Variants in MCPH1 observed in about 807,000 individuals in gnomAD.
MCPH1 encodes the protein microcephalin 1, also known as microcephalin.
In MCPH1, 104 loss-of-function variants were observed where a neutral mutation model predicts 84.5. That is an observed-to-expected ratio of 1.23 (90% CI 1.05 to 1.45). The LOEUF (loss-of-function observed/expected upper bound fraction) is 1.45. Ranked by LOEUF, MCPH1 falls within the 40% of genes most tolerant of loss-of-function variation. The pLI, the probability that MCPH1 is intolerant of heterozygous loss-of-function variation, is 0.00. For synonymous variants in MCPH1, 514 were observed against 366.8 expected, an observed-to-expected ratio of 1.40 and a Z score of -4.58; for missense variants, 1,498 against 1,005.7, an observed-to-expected ratio of 1.49 and a Z score of -6.62.
intron 9 of MCPH1, among the ~76,000 whole-genome samples, chr8:6,475,121 C>G (rs1007924502): frequency 6.6e-6 from 1 of 152,228 alleles, no homozygotes; most frequent in South Asian, 2.1e-4. Context: ...AGAGCTATCA[C>G]ATTCTCACTT....
chr8:6,521,300 A>C, intron 12 of MCPH1: 2 of 1,613,816 alleles, frequency 1.2e-6, no homozygotes, highest in Non-Finnish European at 1.7e-6. Context: ...TTCTTCAATG[A>C]TGGAATTTTG....
chr8:6,447,603 T>C lies in MCPH1; in HGVS notation c.1825+2056T>C, dbSNP rs528126408. 1.4e-3 allele frequency among the ~76,000 whole-genome samples: 212 copies of C among 152,296 alleles called. 1 individual carries two copies. Among genetic ancestry groups the C allele is most frequent in the African/African-American group, 5.0e-3 (208 of 41,552 alleles). ...CTCGCACTTGACGCCCAGGTTGGAG[T>C]GCAGTGGCACAATCTCAGCTCACTG... On this transcript the variant is annotated intron_variant, in intron 8 of 13. Transcript: ENST00000344683.
At chr8:6,616,419 G>A (rs553830545) in intron 12 of MCPH1, 161 of 152,338 alleles carry the variant, frequency 1.1e-3, no homozygotes, top group African/African-American at 3.7e-3. Context: ...GTTCTGCTTA[G>A]CTTTGTCAAC....
chr8:6,543,949 T>C (rs940057657), intron 12 of MCPH1, among the ~76,000 whole-genome samples: 2 of 152,256 alleles, frequency 1.3e-5, no homozygotes, highest in Non-Finnish European at 2.9e-5. Flanking sequence ...GGCTATGTTT[T>C]GCACCTTAAT....
At chr8:6,576,630 T>G (rs1827126574) in intron 12 of MCPH1, among the ~76,000 whole-genome samples, 1 of 145,782 alleles carries the variant, frequency 6.9e-6, no homozygotes, top group Non-Finnish European at 1.5e-5. Flanking sequence ...GCCTCAGCCT[T>G]CTGAGTAGCT....
rs898071492 is a variant in MCPH1, at chr8:6,438,933, G to A, written c.437-20G>A. 4 of 1,609,322 alleles carry A rather than the reference G, an allele frequency of 2.5e-6. No homozygotes were observed. The African/African-American group carries it at 4.0e-5, about 16-fold the overall frequency. The stretch of plus-strand genomic sequence containing the variant: ...GAAGGCACTTTTTGGTCTTAAAGTG[G>A]ATTTTTTGTTTATTTTCAGATGATG... On this transcript the variant is annotated intron_variant, in intron 5 of 13. Transcript: ENST00000344683.
At chr8:6,526,121 C>G (rs1818277143) in intron 12 of MCPH1, among the ~76,000 whole-genome samples, 1 of 151,936 alleles carries the variant, frequency 6.6e-6, no homozygotes, top group Non-Finnish European at 1.5e-5. Flanking sequence ...CTAAGTAAGA[C>G]TATTTTAAGA....
At chr8:6,512,903 A>G (rs1382983066) in intron 12 of MCPH1, among the ~76,000 whole-genome samples, 1 of 152,216 alleles carries the variant, frequency 6.6e-6, no homozygotes, top group East Asian at 1.9e-4. Context: ...TAACTCTGCC[A>G]TCTCTAAACT....
chr8:6,514,714 C>G (rs574290458), intron 12 of MCPH1: 5 of 1,614,132 alleles, frequency 3.1e-6, no homozygotes, highest in South Asian at 2.2e-5. Context: ...AAAATCAACG[C>G]TGCCATCCTC....
At chr8:6,599,631 C>G (rs1312975143) in intron 12 of MCPH1, among the ~76,000 whole-genome samples, 1 of 152,190 alleles carries the variant, frequency 6.6e-6, no homozygotes, top group Non-Finnish European at 1.5e-5. Context: ...TTAGTACACA[C>G]AAGTACAACA....
chr8:6,520,855 T>G (rs1817195165), intron 12 of MCPH1, among the ~76,000 whole-genome samples: 1 of 152,248 alleles, frequency 6.6e-6, no homozygotes, highest in African/African-American at 2.4e-5. Flanking sequence ...GATATTATTT[T>G]TCCCATGTAA....
At chr8:6,480,622 A>G (rs774028364) in intron 10 of MCPH1, 92 bp from the exon 11 acceptor site, 36 of 1,455,154 alleles carry the variant, frequency 2.5e-5, no homozygotes, top group Non-Finnish European at 3.5e-5. Context: ...TTGGCTTTCT[A>G]GTTTTATTAG....
intron 13 of MCPH1, chr8:6,622,146 T>G (rs1007521391): frequency 1.5e-5 from 4 of 260,108 alleles, no homozygotes; most frequent in Non-Finnish European, 2.3e-5. Context: ...CGTCTGCTCA[T>G]GTGCTCAAAG....
intron 12 of MCPH1, chr8:6,503,214 A>G (rs1032193396): frequency 6.2e-7 from 1 of 1,614,162 alleles, no homozygotes; most frequent in African/African-American, 1.3e-5. Context: ...CTCTGTGGAT[A>G]GTACATTCCG....
At chr8:6,629,080 A>G (rs1356539434) in intron 13 of MCPH1, among the ~76,000 whole-genome samples, 1 of 152,380 alleles carries the variant, frequency 6.6e-6, no homozygotes, top group Non-Finnish European at 1.5e-5. Context: ...ACATGATTGT[A>G]TCTGGAGCTA....
intron 12 of MCPH1, among the ~76,000 whole-genome samples, chr8:6,554,108 G>C (rs1235029748): frequency 6.7e-6 from 1 of 149,294 alleles, no homozygotes. Flanking sequence ...GGGAGATATG[G>C]GTGGTATCTA....
chr8:6,526,721 A>G (rs1355484709), intron 12 of MCPH1, among the ~76,000 whole-genome samples: 4 of 152,204 alleles, frequency 2.6e-5, no homozygotes, highest in South Asian at 2.1e-4. Flanking sequence ...AATTATTTAA[A>G]TTGTGAAATA....
At chr8:6,475,904 C>T (rs927728989) in intron 9 of MCPH1, among the ~76,000 whole-genome samples, 1 of 152,044 alleles carries the variant, frequency 6.6e-6, no homozygotes, top group Admixed American at 6.5e-5. Context: ...GAGGCCGTCA[C>T]CAGAAAGAGG....
rs189974771 is a variant in MCPH1 at position 6,604,502 on chromosome 8, G to A, written c.2215-16952G>A. Among the ~76,000 whole-genome samples the A allele has an allele frequency of 8.2e-3, 1,238 of 150,956 alleles. 15 individuals carry two copies. Among genetic ancestry groups the A allele is most frequent in the African/African-American group, 0.029 (1,193 of 41,572 alleles). ...CACATGTCAGAATTCTCCAGCCTACGTTTGCTGTTGTTGTTGTTTTGAGAC... is the reference window on the plus strand; with the variant it reads ...CACATGTCAGAATTCTCCAGCCTACATTTGCTGTTGTTGTTGTTTTGAGAC... On this transcript the variant is annotated intron_variant, in intron 12 of 13. Coordinates refer to ENST00000344683, the MANE Select transcript of MCPH1 (RefSeq NM_024596.5).
Sources: allele counts gnomAD v4.1 joint callset (sites outside exome capture counted in the v4.1 genomes callset), GRCh38; gene constraint gnomAD v4.1.1; transcripts MANE v1.5; gene names NCBI Gene and HGNC (gene_info 2026-07-23, HGNC 2026-07-21).